FSHR: variants seen among roughly 807,000 people sequenced by gnomAD.
The protein encoded by FSHR is follicle stimulating hormone receptor.
In FSHR, 46 loss-of-function variants were observed where a neutral mutation model predicts 52.1. The observed-to-expected ratio is 0.88, with a 90% CI of 0.70 to 1.13. The LOEUF (loss-of-function observed/expected upper bound fraction) is 1.13. FSHR is among the 50% of genes most tolerant of loss of function. The pLI is 0.00. For missense variants in FSHR, 964 were observed against 834.6 expected, an observed-to-expected ratio of 1.16 and a Z score of -1.91; for synonymous variants, 399 against 309.6, an observed-to-expected ratio of 1.29 and a Z score of -3.03.
intron 2 of FSHR, among the ~76,000 whole-genome samples, chr2:49,047,052 A>G (rs1668688158): frequency 6.6e-6 from 1 of 152,172 alleles, no homozygotes; most frequent in African/African-American, 2.4e-5. Context: ...CCTCCTTTTA[A>G]AAAGCCTTAA....
intron 1 of FSHR, among the ~76,000 whole-genome samples, chr2:49,107,929 C>G (rs17038232): frequency 6.6e-6 from 1 of 152,132 alleles, no homozygotes; most frequent in Non-Finnish European, 1.5e-5. Context: ...TACCTGGACA[C>G]ATCAATAGTA....
At chr2:48,986,609 A>G (rs532794119) in intron 6 of FSHR, among the ~76,000 whole-genome samples, 1 of 152,318 alleles carries the variant, frequency 6.6e-6, no homozygotes, top group East Asian at 1.9e-4. Context: ...CATGTCTGAG[A>G]AACATTCACT....
intron 8 of FSHR, among the ~76,000 whole-genome samples, chr2:48,978,718 G>C (rs78046337): frequency 1.3e-5 from 2 of 152,184 alleles, no homozygotes; most frequent in African/African-American, 4.8e-5. Context: ...TGAGGATGCT[G>C]AGCTGCTCCT....
chr2:49,014,876 G>T (rs1444389284), intron 4 of FSHR: 2 of 468,440 alleles, frequency 4.3e-6, no homozygotes, highest in Admixed American at 2.4e-5. Context: ...GAGAGCATTT[G>T]TTCTGTCACT....
At chr2:49,100,711 C>T (rs894772776) in intron 1 of FSHR, among the ~76,000 whole-genome samples, 2 of 152,168 alleles carry the variant, frequency 1.3e-5, no homozygotes, top group Non-Finnish European at 1.5e-5. Flanking sequence ...TGTCTACAGC[C>T]GGGCCTTTTG....
chr2:49,007,607 C>T (rs1667116167), intron 4 of FSHR, among the ~76,000 whole-genome samples: 1 of 151,930 alleles, frequency 6.6e-6, no homozygotes, highest in South Asian at 2.1e-4. Context: ...TAAGAAGGCT[C>T]CTTTTGTCTT....
At chr2:49,009,061 G>A (rs1014980165) in intron 4 of FSHR, among the ~76,000 whole-genome samples, 3 of 150,844 alleles carry the variant, frequency 2.0e-5, no homozygotes, top group African/African-American at 7.3e-5. Flanking sequence ...TTTGGCTTTT[G>A]TTGCCATTGC....
At chr2:49,036,520 T>A (rs1218808238) in intron 2 of FSHR, among the ~76,000 whole-genome samples, 2 of 152,048 alleles carry the variant, frequency 1.3e-5, no homozygotes, top group African/African-American at 2.4e-5. Flanking sequence ...TATATCTATA[T>A]CTATATATAA....
chr2:49,003,166 T>A (rs943210360), intron 4 of FSHR, among the ~76,000 whole-genome samples: 11 of 152,164 alleles, frequency 7.2e-5, no homozygotes, highest in African/African-American at 2.7e-4. Flanking sequence ...TATTCTTTTG[T>A]GGAGCATTTT....
chr2:49,142,081 T>A (rs1461776751), intron 1 of FSHR, among the ~76,000 whole-genome samples: 2 of 152,226 alleles, frequency 1.3e-5, no homozygotes. Context: ...CTAGTTATTA[T>A]TTGCTTGAGA....
chr2:48,997,418 G>A (rs935043127), intron 4 of FSHR: 22 of 983,644 alleles, frequency 2.2e-5, no homozygotes, highest in South Asian at 4.7e-5. Flanking sequence ...CAGTCCTATC[G>A]GCTTGGCTGC....
At chr2:48,983,939 G>T (rs1347085254) in intron 6 of FSHR, among the ~76,000 whole-genome samples, 1 of 152,128 alleles carries the variant, frequency 6.6e-6, no homozygotes, top group East Asian at 1.9e-4. Context: ...CTACAGCTCT[G>T]CCTTGCTCTG....
At chr2:48,996,204 C>T (rs1256242339) in intron 4 of FSHR, among the ~76,000 whole-genome samples, 1 of 152,070 alleles carries the variant, frequency 6.6e-6, no homozygotes, top group Non-Finnish European at 1.5e-5. Context: ...TTTTTAAAGT[C>T]TCTTGCATAA....
intron 3 of FSHR, among the ~76,000 whole-genome samples, chr2:49,019,590 T>A (rs12988126): frequency 6.6e-6 from 1 of 152,076 alleles, no homozygotes; most frequent in African/African-American, 2.4e-5. Context: ...ACATTTATCT[T>A]CTTTATTCAT....
At chr2:49,074,516 C>T (rs1456148956) in intron 1 of FSHR, among the ~76,000 whole-genome samples, 1 of 152,024 alleles carries the variant, frequency 6.6e-6, no homozygotes, top group Admixed American at 6.6e-5. Flanking sequence ...AACAAAATAA[C>T]AAATGTTGGT....
At chr2:49,154,125 A>G in intron 1 of FSHR, 141 bp downstream of exon 1, 1 of 841,176 alleles carries the variant, frequency 1.2e-6, no homozygotes, top group Non-Finnish European at 2.0e-6. Flanking sequence ...TGGGCTGGGG[A>G]GTTAGTTGTT....
chr2:49,099,188 C>A (rs888474695), intron 1 of FSHR, among the ~76,000 whole-genome samples: 1 of 151,976 alleles, frequency 6.6e-6, no homozygotes, highest in African/African-American at 2.4e-5. Flanking sequence ...TTGCAGCTCC[C>A]ACAATTCCCA....
At chr2:49,032,842 C>A (rs59621106) in intron 2 of FSHR, among the ~76,000 whole-genome samples, 4,846 of 152,226 alleles carry the variant, frequency 0.032, 257 homozygotes, top group African/African-American at 0.11. Context: ...ATAGCCACCC[C>A]CTTCCTGCTT....
intron 6 of FSHR, among the ~76,000 whole-genome samples, chr2:48,983,607 G>A (rs17398620): frequency 0.015 from 2,321 of 152,304 alleles, 40 homozygotes; most frequent in Admixed American, 0.043. Flanking sequence ...AAGGCCTTAA[G>A]CCTTTCACCC....
Sources: gnomAD v4.1 joint callset for allele counts (sites outside exome capture counted in the v4.1 genomes callset) on GRCh38, gnomAD v4.1.1 for gene constraint, MANE v1.5 for transcripts, NCBI Gene and HGNC (gene_info 2026-07-23, HGNC 2026-07-21) for gene names.